The following BTBD9 variants were observed in gnomAD, a reference collection of about 807,000 sequenced individuals.
BTBD9 encodes BTB/POZ domain-containing protein 9.
BTBD9 carries 49 observed loss-of-function variants against 64.3 expected under a neutral mutation model. The observed-to-expected ratio is 0.76, with a 90% CI of 0.61 to 0.97. BTBD9 has a LOEUF of 0.97. BTBD9 is among the 50% of genes least tolerant of loss of function. The pLI is 0.00. For synonymous variants in BTBD9, 260 were observed against 274.7 expected, an observed-to-expected ratio of 0.95 and a Z score of 0.53; for missense variants, 598 against 762.1, an observed-to-expected ratio of 0.78 and a Z score of 2.53.
chr6:38,551,738 G>T (rs1211885860), intron 6 of BTBD9, among the ~76,000 whole-genome samples: 1 of 152,196 alleles, frequency 6.6e-6, no homozygotes, highest in Non-Finnish European at 1.5e-5. Flanking sequence ...TATAGACAAG[G>T]AGGAGCCACT....
chr6:38,210,540 G>T (rs1334162648), intron 9 of BTBD9, among the ~76,000 whole-genome samples: 1 of 19,570 alleles, frequency 5.1e-5, no homozygotes, highest in Non-Finnish European at 1.6e-4. Flanking sequence ...GTGTGTTTGT[G>T]TGTGTGTGTG....
chr6:38,487,950 A>T lies in BTBD9; in HGVS notation c.1154+89650T>A, dbSNP rs185953600. Among the ~76,000 whole-genome samples, 10 of 152,326 alleles carry T rather than the reference A, an allele frequency of 6.6e-5. No homozygotes were observed. The East Asian group carries it at 1.9e-3, about 29-fold the overall frequency. On this transcript the variant is annotated intron_variant, in intron 6 of 10. Coordinates refer to ENST00000481247, the MANE Select transcript of BTBD9 (RefSeq NM_001099272.2). ...AAACATTTGTTGACCTCTGCTCTAG[A>T]TCTTAAAAATGGGTGCACAAAGTAT... is the stretch of plus-strand genomic sequence containing the variant.
At chr6:38,291,284 G>A (rs1761943742) in intron 7 of BTBD9, among the ~76,000 whole-genome samples, 1 of 152,100 alleles carries the variant, frequency 6.6e-6, no homozygotes, top group African/African-American at 2.4e-5. Context: ...CTCATGATTT[G>A]GCTCTCTGTT....
At chr6:38,376,983 G>T (rs1386741255) in intron 6 of BTBD9, among the ~76,000 whole-genome samples, 1 of 152,100 alleles carries the variant, frequency 6.6e-6, no homozygotes, top group African/African-American at 2.4e-5. Context: ...GCTTTCCAAG[G>T]CAGACATAGG....
chr6:38,544,654 C>T (rs887674338), intron 6 of BTBD9, among the ~76,000 whole-genome samples: 25 of 152,006 alleles, frequency 1.6e-4, no homozygotes, highest in Middle Eastern at 3.4e-3. Flanking sequence ...GGGCCAGGCT[C>T]GGTGGCTTAT....
chr6:38,579,062 T>A (rs1483039923), intron 5 of BTBD9, among the ~76,000 whole-genome samples: 2 of 152,212 alleles, frequency 1.3e-5, no homozygotes, highest in Non-Finnish European at 2.9e-5. Context: ...ATGAGATATG[T>A]GGATTGGCTC....
At chr6:38,219,203 T>G (rs913203711) in intron 9 of BTBD9, among the ~76,000 whole-genome samples, 1 of 145,916 alleles carries the variant, frequency 6.9e-6, no homozygotes, top group Admixed American at 7.1e-5. Context: ...AGCACAAGCT[T>G]GGCTCACTGC....
chr6:38,205,484 A>C (rs1762605090), intron 9 of BTBD9, among the ~76,000 whole-genome samples: 1 of 152,152 alleles, frequency 6.6e-6, no homozygotes, highest in Non-Finnish European at 1.5e-5. Context: ...CAGAATAAAG[A>C]AATTGTCATT....
At chr6:38,175,475 A>C (rs760631971) in intron 10 of BTBD9, among the ~76,000 whole-genome samples, 2 of 152,220 alleles carry the variant, frequency 1.3e-5, no homozygotes, top group Non-Finnish European at 2.9e-5. Context: ...CGTTTTTGCC[A>C]ACCTTTGTCT....
At position 38,577,754 on chromosome 6, in the gene BTBD9, C is replaced by A. The variant is rs747747247; in HGVS notation, c.1035-35G>T. 8 of 1,580,146 alleles carry A rather than the reference C, an allele frequency of 5.1e-6. No homozygotes were observed. In the African/African-American group the frequency reaches 1.1e-4, roughly 21 times the overall value. The stretch of plus-strand genomic sequence containing the variant: ...AAAAGGAAAAAGCAGAAAAAAATTA[C>A]CACATTAAAAAACAATACAAAGCTG... On this transcript the variant is annotated intron_variant, in intron 5 of 10. Transcript: ENST00000481247.
At chr6:38,410,305 C>T (rs60405483) in intron 6 of BTBD9, among the ~76,000 whole-genome samples, 8,632 of 151,702 alleles carry the variant, frequency 0.057, 700 homozygotes, top group East Asian at 0.33. Context: ...GAGACCCCCA[C>T]ATCTACAAAA....
intron 6 of BTBD9, among the ~76,000 whole-genome samples, chr6:38,527,039 G>A (rs376707404): frequency 9.9e-5 from 15 of 152,000 alleles, no homozygotes; most frequent in Admixed American, 9.2e-4. Context: ...ACTTCGGGAG[G>A]CCAGGCAGAT....
At chr6:38,530,558 C>T (rs1394388121) in intron 6 of BTBD9, among the ~76,000 whole-genome samples, 4 of 97,736 alleles carry the variant, frequency 4.1e-5, no homozygotes, top group Non-Finnish European at 1.2e-4. Flanking sequence ...CTCAGCTGGC[C>T]GACACTTATG....
At chr6:38,404,005 T>C (rs1767058846) in intron 6 of BTBD9, among the ~76,000 whole-genome samples, 1 of 152,178 alleles carries the variant, frequency 6.6e-6, no homozygotes, top group Non-Finnish European at 1.5e-5. Context: ...TATGATTCCA[T>C]TTACATGAAA....
chr6:38,543,177 C>T (rs897394805), intron 6 of BTBD9, among the ~76,000 whole-genome samples: 13 of 152,188 alleles, frequency 8.5e-5, no homozygotes, highest in Non-Finnish European at 1.5e-4. Context: ...TGACTCTTCC[C>T]TGTCATTCAG....
chr6:38,550,414 T>C (rs1463598093), intron 6 of BTBD9, among the ~76,000 whole-genome samples: 1 of 151,870 alleles, frequency 6.6e-6, no homozygotes, highest in East Asian at 1.9e-4. Flanking sequence ...CCTCCCGGGT[T>C]CAAGTGATTC....
intron 9 of BTBD9, among the ~76,000 whole-genome samples, chr6:38,215,955 C>T (rs900917846): frequency 6.6e-6 from 1 of 152,224 alleles, no homozygotes; most frequent in African/African-American, 2.4e-5. Flanking sequence ...CATTCCATCC[C>T]TTGCCTAAAT....
chr6:38,198,178 A>G (rs891329419), intron 9 of BTBD9, among the ~76,000 whole-genome samples: 1 of 152,240 alleles, frequency 6.6e-6, no homozygotes, highest in Non-Finnish European at 1.5e-5. Flanking sequence ...AGGAGGAGAA[A>G]GGGATTAAAA....
At chr6:38,502,795 T>G (rs1171580525) in intron 6 of BTBD9, among the ~76,000 whole-genome samples, 1 of 152,140 alleles carries the variant, frequency 6.6e-6, no homozygotes, top group Non-Finnish European at 1.5e-5. Context: ...TGACCATACT[T>G]GTGCAATTTG....
Sources: gnomAD v4.1 joint callset for allele counts (sites outside exome capture counted in the v4.1 genomes callset) on GRCh38, gnomAD v4.1.1 for gene constraint, MANE v1.5 for transcripts, NCBI Gene and HGNC (gene_info 2026-07-23, HGNC 2026-07-21) for gene names.